The following CTNNA2 variants were observed in gnomAD, a reference collection of about 807,000 sequenced individuals.
CTNNA2 encodes catenin alpha-2.
Under a neutral mutation model 101.0 loss-of-function variants are expected in CTNNA2, and 42 were observed. That is an observed-to-expected ratio of 0.42 (90% CI 0.32 to 0.54). The LOEUF (loss-of-function observed/expected upper bound fraction) is 0.54, where lower values mean the gene tolerates loss of function less well. CTNNA2 is among the 20% of genes least tolerant of loss of function. The pLI is 0.14. For missense variants in CTNNA2, 871 were observed against 1,223.1 expected (o/e 0.71, Z 4.29); for synonymous variants, 450 against 456.4 (o/e 0.99, Z 0.18).
chr2:80,619,201 C>G lies in CTNNA2; in HGVS notation c.2547C>G (p.Ile849Met). 1.3e-6 allele frequency: 2 copies of G among 1,583,840 alleles called. No individual in the cohort carries two copies. The highest frequency in any genetic ancestry group is 1.7e-6 in the Non-Finnish European group (2 of 1,164,974). ...HLPTCAEGAP[I>M]GSGSSDSSML... The stretch of plus-strand genomic sequence containing the variant: ...CAACCTGTGCTGAGGGAGCTCCGAT[C>G]GGGAGTGGAAGCAGTGATTCCTCCA... Residue 849 changes from isoleucine to methionine, a missense_variant, in exon 18 of 19, where the codon ATC (isoleucine) becomes ATG (methionine). Coordinates refer to ENST00000402739, the MANE Select transcript of CTNNA2 (RefSeq NM_001282597.3).
chr2:79,433,216 T>C (rs1678675278), intron 4 of CTNNA2, among the ~76,000 whole-genome samples: 1 of 152,152 alleles, frequency 6.6e-6, no homozygotes, highest in African/African-American at 2.4e-5. Context: ...CACTTTCAAA[T>C]CATTGTTTTG....
Position 79,343,399 on chromosome 2 carries a change from C to T in CTNNA2, c.-317-30432C>T, listed in dbSNP as rs191562010. Among the ~76,000 whole-genome samples the T allele has an allele frequency of 1.9e-3, 288 of 152,266 alleles. 3 individuals are homozygous for T. The highest frequency in any genetic ancestry group is 6.4e-3 in the African/African-American group (267 of 41,564). On this transcript the variant is annotated intron_variant, in intron 3 of 21. Transcript: ENST00000466387. The stretch of plus-strand genomic sequence containing the variant: ...AAAGTATCCATTTTGCAGAGCAATT[C>T]TGTAGGCTAGACTGCATTCTAGAAG...
chr2:79,930,357 AATG>A (rs1298914910), intron 7 of CTNNA2, among the ~76,000 whole-genome samples: 1 of 73,520 alleles, frequency 1.4e-5, no homozygotes, highest in Non-Finnish European at 3.3e-5. Flanking sequence ...AGAAAGAAAG[AATG>A]AACACGGGTT....
At chr2:80,184,499 CA>C (rs1259519998) in intron 7 of CTNNA2, among the ~76,000 whole-genome samples, 1 of 152,078 alleles carries the variant, frequency 6.6e-6, no homozygotes, top group Non-Finnish European at 1.5e-5. Context: ...ATGTTTGAAT[CA>C]GGGGCCAACT....
chr2:80,441,418 C>CAGATGAAGTTT (rs1682560764), intron 9 of CTNNA2, among the ~76,000 whole-genome samples: 1 of 152,108 alleles, frequency 6.6e-6, no homozygotes, highest in African/African-American at 2.4e-5. Context: ...AGTTTAAGGT[C>CAGATGAAGTTT]AACATATGAC....
chr2:79,477,399 G>C (rs1310542067), intron 4 of CTNNA2, among the ~76,000 whole-genome samples: 1 of 151,826 alleles, frequency 6.6e-6, no homozygotes, highest in Non-Finnish European at 1.5e-5. Context: ...TCAAACTCCT[G>C]GCCTCAGGTA....
intron 7 of CTNNA2, among the ~76,000 whole-genome samples, chr2:80,075,608 A>G (rs1280210285): frequency 9.2e-6 from 1 of 108,616 alleles, no homozygotes; most frequent in East Asian, 2.6e-4. Flanking sequence ...AAATATTTAT[A>G]CATGTATAAA....
Position 80,608,194 on chromosome 2 carries a change from C to G in CTNNA2, c.2306C>G (p.Ser769Ter). ...TTTAATGTTTTATAGTGTCCTGATT[C>G]AGCATGTAAGCAGGATTTATTAGCC... is the stretch of plus-strand genomic sequence containing the variant. ...ARAVADQCPDSACKQDLLAYL... is the reference protein window; with the variant it reads ...ARAVADQCPD Residue 769 changes from serine to a stop codon, truncating the protein, a stop_gained, in exon 17 of 19, where the codon TCA becomes TGA. Coordinates refer to ENST00000402739, the MANE Select transcript of CTNNA2 (RefSeq NM_001282597.3). LOFTEE classifies it high-confidence loss of function. The G allele has an allele frequency of 6.2e-7, 1 of 1,609,368 alleles. No individual in the cohort carries two copies. Among genetic ancestry groups the G allele is most frequent in the Non-Finnish European group, 8.5e-7 (1 of 1,176,716 alleles).
At chr2:80,293,414 T>G (rs1675441374) in intron 7 of CTNNA2, among the ~76,000 whole-genome samples, 1 of 152,178 alleles carries the variant, frequency 6.6e-6, no homozygotes, top group Non-Finnish European at 1.5e-5. Context: ...CACCTAAAAA[T>G]ATGTGATTTT....
At chr2:79,366,201 G>A (rs771131869) in intron 3 of CTNNA2, among the ~76,000 whole-genome samples, 4 of 152,294 alleles carry the variant, frequency 2.6e-5, no homozygotes, top group East Asian at 1.9e-4. Flanking sequence ...GCTTACCTAA[G>A]AGCTATGCAG....
In CTNNA2 at chr2:79,340,899, T is replaced by TA. The variant is rs35622290; in HGVS notation, c.-318+28116dup. 8.0e-3 allele frequency among the ~76,000 whole-genome samples: 961 copies of TA among 120,000 alleles called. 7 individuals carry two copies. Among genetic ancestry groups the TA allele is most frequent in the African/African-American group, 0.019 (578 of 30,632 alleles). The allele number at this position is 120,000 out of a possible 152,430, so 78.7% of individuals were successfully genotyped here. A position where few individuals can be genotyped will look rare whatever the true frequency, so the allele number is the denominator to read the frequency against. On this transcript the variant is annotated intron_variant, in intron 3 of 21. Coordinates refer to the CTNNA2 transcript ENST00000466387. ...ATGAGTACAGAATCTAGGGATCTAG[T>TA]AAAAAAAAAAAAAGTTCTTGATAGT...
chr2:80,103,352 G>T (rs1391481209), intron 7 of CTNNA2, among the ~76,000 whole-genome samples: 1 of 152,028 alleles, frequency 6.6e-6, no homozygotes, highest in South Asian at 2.1e-4. Flanking sequence ...TAGAATTCTG[G>T]TGTCTCTTAA....
At chr2:79,212,697 G>A (rs1050302064) in intron 2 of CTNNA2, among the ~76,000 whole-genome samples, 6 of 51,256 alleles carry the variant, frequency 1.2e-4, no homozygotes, top group African/African-American at 2.0e-4. Flanking sequence ...AGAAATGACC[G>A]CGGTGGCCTC....
intron 2 of CTNNA2, among the ~76,000 whole-genome samples, chr2:79,653,139 CA>C (rs1288831273): frequency 6.6e-6 from 1 of 152,164 alleles, no homozygotes; most frequent in East Asian, 1.9e-4. Context: ...TAGAAATCTA[CA>C]TGGGAAAATT....
At chr2:80,026,837 T>C (rs1427472225) in intron 7 of CTNNA2, among the ~76,000 whole-genome samples, 4 of 152,188 alleles carry the variant, frequency 2.6e-5, no homozygotes, top group African/African-American at 9.7e-5. Flanking sequence ...AAAATATATA[T>C]AATCCCTTAA....
At chr2:79,585,555 G>A (rs1337041110) in intron 1 of CTNNA2, among the ~76,000 whole-genome samples, 1 of 151,858 alleles carries the variant, frequency 6.6e-6, no homozygotes, top group African/African-American at 2.4e-5. Context: ...TTAATATATG[G>A]TACTCTGTCT....
chr2:79,704,436 G>A (rs1382977065), intron 2 of CTNNA2, among the ~76,000 whole-genome samples: 1 of 150,444 alleles, frequency 6.6e-6, no homozygotes, highest in Non-Finnish European at 1.5e-5. Flanking sequence ...AAATCTCAAT[G>A]TTTAACGGTA....
At chr2:80,216,164 G>T (rs1002254593) in intron 7 of CTNNA2, among the ~76,000 whole-genome samples, 3 of 152,148 alleles carry the variant, frequency 2.0e-5, no homozygotes, top group Admixed American at 6.5e-5. Context: ...GTCTGTCACG[G>T]CTTCCCTTGG....
intron 1 of CTNNA2, among the ~76,000 whole-genome samples, chr2:79,563,161 G>GTATATA (rs71385287): frequency 0.012 from 969 of 78,554 alleles, 24 homozygotes; most frequent in African/African-American, 0.044. Flanking sequence ...ATAAAGATGT[G>GTATATA]TATATATATA....
Sources: allele counts gnomAD v4.1 joint callset (sites outside exome capture counted in the v4.1 genomes callset), GRCh38; gene constraint gnomAD v4.1.1; transcripts MANE v1.5; gene names NCBI Gene and HGNC (gene_info 2026-07-23, HGNC 2026-07-21).